Variants in GRID1 observed in about 807,000 individuals in gnomAD.
GRID1 encodes glutamate ionotropic receptor delta type subunit 1.
A neutral mutation model predicts 98.0 loss-of-function variants in GRID1; 28 were observed. The observed-to-expected ratio is 0.29, with a 90% CI of 0.21 to 0.39. The LOEUF (loss-of-function observed/expected upper bound fraction) is 0.39, where lower values mean the gene tolerates loss of function less well. Ranked by LOEUF, GRID1 falls within the 10% of genes least tolerant of loss-of-function variation. GRID1 has a pLI of 1.00. For synonymous variants in GRID1, 553 were observed against 538.5 expected, an observed-to-expected ratio of 1.03 and a Z score of -0.37; for missense variants, 1,111 against 1,340.5, an observed-to-expected ratio of 0.83 and a Z score of 2.67.
chr10:85,976,219 C>T (rs542531470), intron 4 of GRID1, among the ~76,000 whole-genome samples: 2 of 152,214 alleles, frequency 1.3e-5, no homozygotes, highest in Admixed American at 6.5e-5. Flanking sequence ...AACAAAATGA[C>T]CAGAGATCAA....
chr10:86,057,510 T>C (rs75036036), intron 4 of GRID1, among the ~76,000 whole-genome samples: 11,578 of 152,296 alleles, frequency 0.076, 531 homozygotes, highest in African/African-American at 0.13. Flanking sequence ...GACGACACCC[T>C]GCAGTCTCAA....
At chr10:86,043,907 A>T (rs1843383272) in intron 4 of GRID1, among the ~76,000 whole-genome samples, 1 of 152,232 alleles carries the variant, frequency 6.6e-6, no homozygotes, top group Non-Finnish European at 1.5e-5. Flanking sequence ...TTTAGTGATG[A>T]TTAATGCATG....
At chr10:86,114,080 G>A (rs7081118) in intron 4 of GRID1, among the ~76,000 whole-genome samples, 5,137 of 151,968 alleles carry the variant, frequency 0.034, 322 homozygotes, top group African/African-American at 0.12. Context: ...CATCTCGGTG[G>A]GATCATAACC....
chr10:86,347,103 C>T (rs1848395634), intron 2 of GRID1, among the ~76,000 whole-genome samples: 1 of 128,140 alleles, frequency 7.8e-6, no homozygotes, highest in African/African-American at 2.9e-5. Flanking sequence ...CATGGACATA[C>T]CACAGAGCTC....
chr10:86,246,556 G>T (rs1057124691), intron 2 of GRID1, among the ~76,000 whole-genome samples: 24 of 152,182 alleles, frequency 1.6e-4, no homozygotes, highest in Non-Finnish European at 7.4e-5. Context: ...GGACCACTGA[G>T]CCATCTCCCC....
intron 12 of GRID1, among the ~76,000 whole-genome samples, chr10:85,691,403 C>T (rs186889093): frequency 6.6e-6 from 1 of 152,052 alleles, no homozygotes; most frequent in Non-Finnish European, 1.5e-5. Flanking sequence ...CTGTGCATTA[C>T]CTCTCAATTT....
chr10:85,844,895 C>A (rs955621783), intron 8 of GRID1, among the ~76,000 whole-genome samples: 7 of 151,814 alleles, frequency 4.6e-5, no homozygotes, highest in African/African-American at 1.5e-4. Context: ...AAATGTAACA[C>A]TCATTCTTGA....
intron 8 of GRID1, among the ~76,000 whole-genome samples, chr10:85,833,273 G>C (rs1480895141): frequency 2.0e-5 from 3 of 152,150 alleles, no homozygotes. Context: ...TGCCTGGGAA[G>C]TGTTCCTCAT....
At chr10:85,899,542 T>A (rs558176771) in intron 5 of GRID1, among the ~76,000 whole-genome samples, 10 of 152,338 alleles carry the variant, frequency 6.6e-5, no homozygotes, top group African/African-American at 2.2e-4. Flanking sequence ...AATCCTATTA[T>A]AACTGAGATC....
At chr10:85,753,682 T>C (rs992833128) in intron 8 of GRID1, among the ~76,000 whole-genome samples, 1 of 152,236 alleles carries the variant, frequency 6.6e-6, no homozygotes, top group Non-Finnish European at 1.5e-5. Flanking sequence ...AGCACTTTTA[T>C]AGCCTACAGC....
chr10:86,153,547 T>C (rs1191818674), intron 3 of GRID1, among the ~76,000 whole-genome samples: 1 of 152,232 alleles, frequency 6.6e-6, no homozygotes, highest in African/African-American at 2.4e-5. Flanking sequence ...ATGGGTGTCA[T>C]TGCTTCCCAA....
intron 4 of GRID1, among the ~76,000 whole-genome samples, chr10:86,128,161 C>T (rs992574204): frequency 1.6e-5 from 2 of 125,780 alleles, no homozygotes; most frequent in Non-Finnish European, 3.1e-5. Context: ...CATCTGAAAG[C>T]CTCAGGTTTC....
intron 2 of GRID1, among the ~76,000 whole-genome samples, chr10:86,252,120 A>C (rs1163764668): frequency 6.6e-6 from 1 of 152,246 alleles, no homozygotes; most frequent in African/African-American, 2.4e-5. Context: ...GCCCAGGTCC[A>C]GCTGACCCAC....
chr10:85,702,674 G>C (rs1253403203), intron 12 of GRID1, among the ~76,000 whole-genome samples: 1 of 151,756 alleles, frequency 6.6e-6, no homozygotes, highest in Non-Finnish European at 1.5e-5. Context: ...GAAAGCACAA[G>C]AGAGGAGAAA....
intron 2 of GRID1, among the ~76,000 whole-genome samples, chr10:86,260,614 G>T (rs971081135): frequency 6.6e-6 from 1 of 152,206 alleles, no homozygotes; most frequent in African/African-American, 2.4e-5. Flanking sequence ...GGCCAGGGAG[G>T]GCTGTTAAGA....
In GRID1 at chr10:86,366,374, A is replaced by G. The variant is rs1176343267; in HGVS notation, c.19T>C (p.Trp7Arg). The change falls in exon 1 of 16, where the codon TGG becomes CGG. Residue 7 changes from tryptophan (W) to arginine (R), a missense_variant. Physicochemically the swap from Trp to Arg is moderately radical, Grantham distance 101. This residue lies in a region of GRID1 where 346 missense variants were observed against 452.3 expected (regional missense o/e 0.76). Coordinates refer to ENST00000327946, the MANE Select transcript of GRID1 (RefSeq NM_017551.3). This position sits in a 1 kb window ranked among gnomAD's most constrained non-coding sequence, Gnocchi z 4.1. ...CACTGGCATATCCAGGGGAGAAGCC[A>G]CAGCGTCAGCGCTTCCATGTCCCCC... MEALTL[W>R]LLPWICQCVS... 6.6e-7 allele frequency: 1 copy of G among 1,515,258 alleles called. No individual in the cohort carries two copies. Among genetic ancestry groups the G allele is most frequent in the Admixed American group, 2.0e-5 (1 of 49,786 alleles). The allele number at this position is 1,515,258 out of a possible 1,614,324, so 93.9% of individuals were successfully genotyped here. A position where few individuals can be genotyped will look rare whatever the true frequency, so the allele number is the denominator to read the frequency against.
At chr10:85,720,542 C>A in intron 12 of GRID1, among the ~76,000 whole-genome samples, 1 of 148,456 alleles carries the variant, frequency 6.7e-6, no homozygotes, top group East Asian at 2.0e-4. Flanking sequence ...TGTTTTCTCA[C>A]AAAATACAAA....
Position 85,724,294 on chromosome 10 carries a change from T to G in GRID1, c.1858+58A>C, listed in dbSNP as rs1392654472. 3.6e-6 allele frequency: 5 copies of G among 1,377,384 alleles called. No individual in the cohort carries two copies. The Admixed American group carries it at 8.8e-5, about 24-fold the overall frequency. 85.3% of individuals were successfully genotyped at this position (1,377,384 alleles called of 1,614,324 possible). On this transcript the variant is annotated intron_variant, in intron 11 of 15. Transcript: ENST00000327946. ...AAAATGCACCTGAGAACTTTGCCAA[T>G]GGATAAGTTCTTCCAGGCCCCTAGA...
intron 3 of GRID1, among the ~76,000 whole-genome samples, chr10:86,160,134 GATTA>G (rs1409474778): frequency 1.3e-5 from 2 of 152,122 alleles, no homozygotes; most frequent in Non-Finnish European, 2.9e-5. Context: ...TCAACTGGGG[GATTA>G]AGCCAGGATG....
Sources: gnomAD v4.1 joint callset for allele counts (sites outside exome capture counted in the v4.1 genomes callset) on GRCh38, gnomAD v4.1.1 for gene constraint, gnomAD v4.1.1 regional missense constraint, Gnocchi (gnomAD v3.1) non-coding constraint, MANE v1.5 for transcripts, NCBI Gene and HGNC (gene_info 2026-07-23, HGNC 2026-07-21) for gene names.